The following FARP1 variants were observed in gnomAD, a reference collection of about 807,000 sequenced individuals.
FARP1 encodes FERM, ARH/RhoGEF and pleckstrin domain protein 1.
In FARP1, 52 loss-of-function variants were observed where a neutral mutation model predicts 128.8. The observed-to-expected ratio is 0.40, with a 90% CI of 0.32 to 0.51. FARP1 has a LOEUF of 0.51. FARP1 is among the 20% of genes least tolerant of loss of function. FARP1 has a pLI of 0.45. For synonymous variants in FARP1, 580 were observed against 551.8 expected (o/e 1.05, Z -0.72); for missense variants, 1,333 against 1,367.9 (o/e 0.97, Z 0.40).
intron 1 of FARP1, among the ~76,000 whole-genome samples, chr13:98,212,896 TCC>T (rs1880818051): frequency 6.6e-6 from 1 of 152,202 alleles, no homozygotes. Flanking sequence ...TTTATCATCT[TCC>T]CACCAGACTT....
chr13:98,258,004 C>T (rs1156306000), intron 2 of FARP1, among the ~76,000 whole-genome samples: 3 of 151,962 alleles, frequency 2.0e-5, no homozygotes, highest in Admixed American at 6.6e-5. Context: ...GATGGAGTCT[C>T]GCTCTGTTGC....
At chr13:98,364,348 C>T (rs1566920099) in intron 3 of FARP1, among the ~76,000 whole-genome samples, 2 of 152,100 alleles carry the variant, frequency 1.3e-5, no homozygotes. Context: ...AACATGCAAG[C>T]AAGTGTGTGT....
At chr13:98,396,417 G>A (rs1470494736) in intron 13 of FARP1, 3 of 399,086 alleles carry the variant, frequency 7.5e-6, no homozygotes, top group Non-Finnish European at 1.3e-5. Context: ...TGAGAAGCCG[G>A]GGGTCCTTGG....
At chr13:98,349,501 A>G (rs77907225) in intron 3 of FARP1, among the ~76,000 whole-genome samples, 1 of 151,858 alleles carries the variant, frequency 6.6e-6, no homozygotes, top group Non-Finnish European at 1.5e-5. Flanking sequence ...GTGAAACCCC[A>G]TCTCTACTAA....
chr13:98,408,592 G>T (rs1453838327), intron 13 of FARP1, among the ~76,000 whole-genome samples: 1 of 152,150 alleles, frequency 6.6e-6, no homozygotes, highest in Non-Finnish European at 1.5e-5. Context: ...GCCTCCCAAA[G>T]TGCTGGGATT....
At chr13:98,378,290 A>G (rs1889676096) in intron 6 of FARP1, among the ~76,000 whole-genome samples, 1 of 152,254 alleles carries the variant, frequency 6.6e-6, no homozygotes, top group Non-Finnish European at 1.5e-5. Flanking sequence ...GCCTTAAGAC[A>G]TAATACTGCC....
intron 17 of FARP1, among the ~76,000 whole-genome samples, chr13:98,428,049 C>G (rs1317730451): frequency 6.6e-6 from 1 of 151,942 alleles, no homozygotes; most frequent in Non-Finnish European, 1.5e-5. Flanking sequence ...AGTGTCTTTC[C>G]CGCTTCGCTC....
chr13:98,339,224 G>T (rs999219883), intron 2 of FARP1, among the ~76,000 whole-genome samples: 1 of 152,230 alleles, frequency 6.6e-6, no homozygotes, highest in African/African-American at 2.4e-5. Flanking sequence ...TCTTCAGGAA[G>T]CATGGCTGGG....
At chr13:98,441,480 C>T (rs1892522378) in intron 24 of FARP1, among the ~76,000 whole-genome samples, 1 of 152,260 alleles carries the variant, frequency 6.6e-6, no homozygotes, top group Admixed American at 6.5e-5. Context: ...ATGGGACAGG[C>T]TGAGAGCTAG....
chr13:98,194,801 G>A (rs1381034513), intron 1 of FARP1, among the ~76,000 whole-genome samples: 4 of 152,214 alleles, frequency 2.6e-5, no homozygotes, highest in African/African-American at 9.6e-5. Flanking sequence ...AATTCATAAT[G>A]TGAGAGATCA....
At chr13:98,227,698 G>C (rs1368525856) in intron 2 of FARP1, among the ~76,000 whole-genome samples, 1 of 152,210 alleles carries the variant, frequency 6.6e-6, no homozygotes, top group Non-Finnish European at 1.5e-5. Flanking sequence ...GTTCACGCTA[G>C]CCAGGAGGTA....
chr13:98,280,208 T>C (rs1884864950), intron 2 of FARP1, among the ~76,000 whole-genome samples: 1 of 152,148 alleles, frequency 6.6e-6, no homozygotes, highest in Non-Finnish European at 1.5e-5. Flanking sequence ...AGCAGTGGCT[T>C]CCCCTAGAAA....
Position 98,447,865 on chromosome 13 carries a change from AAAGG to A in FARP1, c.3057-366_3057-363del, listed in dbSNP as rs375703109. The A allele has an allele frequency of 2.2e-3, 496 of 220,994 alleles. 3 individuals carry two copies. Among genetic ancestry groups the A allele is most frequent in the African/African-American group, 0.01 (453 of 43,252 alleles). The allele number at this position is 220,994 out of a possible 1,614,324, so 13.7% of individuals were successfully genotyped here. Reference sequence around the variant, plus strand: ...GTCTCAAAAAAAAAAGAAAAAGAAAAAAGGAAGGGAGAGCTTCCACTAAGCAGGA... The same window carrying A: ...GTCTCAAAAAAAAAAGAAAAAGAAAAAAGGGAGAGCTTCCACTAAGCAGGA... On this transcript the variant is annotated intron_variant, in intron 26 of 26. Coordinates refer to ENST00000319562, the MANE Select transcript of FARP1 (RefSeq NM_005766.4).
At chr13:98,260,263 T>C (rs1476309410) in intron 2 of FARP1, among the ~76,000 whole-genome samples, 1 of 152,240 alleles carries the variant, frequency 6.6e-6, no homozygotes, top group East Asian at 1.9e-4. Context: ...AGTTTTGTTG[T>C]ATTTAGTAAC....
Position 98,245,989 on chromosome 13 carries a change from C to T in FARP1, c.171+32576C>T, listed in dbSNP as rs1397322542. ...ACGAGGTTTCACCGTGTTGCCCAGG[C>T]TGGTCTCGAATTCATGAGCTCAGGC... On this transcript the variant is annotated intron_variant, in intron 2 of 26. Transcript: ENST00000319562. 4.6e-5 allele frequency among the ~76,000 whole-genome samples: 7 copies of T among 151,074 alleles called. 1 individual carries two copies. Among genetic ancestry groups the T allele is most frequent in the African/African-American group, 1.7e-4 (7 of 41,030 alleles).
intron 2 of FARP1, among the ~76,000 whole-genome samples, chr13:98,243,265 T>C (rs1594313741): frequency 6.6e-6 from 1 of 152,190 alleles, no homozygotes; most frequent in Non-Finnish European, 1.5e-5. Context: ...CATTTTAATA[T>C]TTCCTTTGAC....
chr13:98,142,793 C>T (rs1875124311), upstream of FARP1: 1 of 152,400 alleles, frequency 6.6e-6, no homozygotes, highest in South Asian at 2.1e-4. Context: ...TTTTTCGCCA[C>T]AGCTGCTGGA....
intron 13 of FARP1, 53 bp downstream of exon 13, chr13:98,395,529 C>T (rs1890495056): frequency 6.6e-7 from 1 of 1,522,942 alleles, no homozygotes; most frequent in Admixed American, 2.1e-5. Context: ...CTTTCATTGA[C>T]TGCAGTGACG....
At chr13:98,347,462 T>C (rs896261503) in intron 3 of FARP1, among the ~76,000 whole-genome samples, 2 of 152,200 alleles carry the variant, frequency 1.3e-5, no homozygotes, top group African/African-American at 4.8e-5. Context: ...GTCTATCTAC[T>C]TTAGACACGT....
Sources: allele counts gnomAD v4.1 joint callset (sites outside exome capture counted in the v4.1 genomes callset), GRCh38; gene constraint gnomAD v4.1.1; transcripts MANE v1.5; gene names NCBI Gene and HGNC (gene_info 2026-07-23, HGNC 2026-07-21).